Variants in ADAMTS2 observed in about 807,000 individuals in gnomAD.
The protein encoded by ADAMTS2 is ADAM metallopeptidase with thrombospondin type 1 motif 2.
A neutral mutation model predicts 123.0 loss-of-function variants in ADAMTS2; 50 were observed. That is an observed-to-expected ratio of 0.41 (90% CI 0.32 to 0.51). ADAMTS2 has a LOEUF of 0.51. ADAMTS2 is among the 20% of genes least tolerant of loss of function. The pLI, the probability that ADAMTS2 is intolerant of heterozygous loss-of-function variation, is 0.35. For synonymous variants in ADAMTS2, 678 were observed against 695.4 expected (o/e 0.98, Z 0.39); for missense variants, 1,494 against 1,705.2 (o/e 0.88, Z 2.18).
rs1445349116 is a variant in ADAMTS2, at chr5:179,154,140, G to A, written c.1291C>T (p.Leu431=). The change falls in exon 8 of 22, where the codon CTG becomes TTG. Residue 431 remains leucine (L), a synonymous_variant. Transcript: ENST00000251582. The part of the protein sequence containing the change: ...QGNRCGDEVR[L]GSIMAPLVQA... ...ACCAGGGGCGCCATGATGCTGCCCA[G>A]CCGCACCTCGTCGCCACAGCGGTTG... 3.2e-6 allele frequency: 5 copies of A among 1,585,858 alleles called. No individual in the cohort carries two copies. The highest frequency in any genetic ancestry group is 1.3e-5 in the African/African-American group (1 of 74,672).
rs141168767 is a variant in ADAMTS2 at position 179,303,677 on chromosome 5, G to A, written c.535-30613C>T. Reference sequence around the variant, plus strand: ...TTTTCTTTTCTTCGTGTTCTCACACGCCAGCTCATGGCAGCCCACAGGCAC... The same window carrying A: ...TTTTCTTTTCTTCGTGTTCTCACACACCAGCTCATGGCAGCCCACAGGCAC... On this transcript the variant is annotated intron_variant, in intron 2 of 21. Transcript: ENST00000251582. This position sits in a 1 kb window ranked among gnomAD's most constrained non-coding sequence, Gnocchi z 4.7. Among the ~76,000 whole-genome samples, 535 of 152,264 alleles carry A rather than the reference G, an allele frequency of 3.5e-3. No homozygotes were observed. Among genetic ancestry groups the A allele is most frequent in the Middle Eastern group, 0.014 (4 of 294 alleles).
rs573100534 is a variant in ADAMTS2 at position 179,214,848 on chromosome 5, G to A, written c.689-7133C>T. Among the ~76,000 whole-genome samples, 63 of 150,730 alleles carry A rather than the reference G, an allele frequency of 4.2e-4. 1 individual carries two copies. The highest frequency in any genetic ancestry group is 1.1e-3 in the African/African-American group (44 of 41,200). On this transcript the variant is annotated intron_variant, in intron 3 of 21. Coordinates refer to ENST00000251582, the MANE Select transcript of ADAMTS2 (RefSeq NM_014244.5). ...AAAATAATTGTTAAAATTATTCTCCGTCAAATAATCTCCGTCGAATAATTG... is the reference window on the plus strand; with the variant it reads ...AAAATAATTGTTAAAATTATTCTCCATCAAATAATCTCCGTCGAATAATTG...
In ADAMTS2 at chr5:179,242,647, A is replaced by C. The variant is rs943821322; in HGVS notation, c.688+30264T>G. On this transcript the variant is annotated intron_variant, in intron 3 of 21. Transcript: ENST00000251582. The surrounding 1 kb of genome is among the most constrained non-coding windows in gnomAD (Gnocchi z 4.2). ...AGTAAGAACAGCAAGAATCGGTGGC[A>C]CCTGAGCCATCACTTGCTCTCTCTT... Among the ~76,000 whole-genome samples, 2 of 152,204 alleles carry C rather than the reference A, an allele frequency of 1.3e-5. No individual in the cohort carries two copies. The highest frequency in any genetic ancestry group is 2.4e-5 in the African/African-American group (1 of 41,464).
At chr5:179,232,638 G>A (rs11739530) in intron 3 of ADAMTS2, among the ~76,000 whole-genome samples, 32,774 of 152,078 alleles carry the variant, frequency 0.22, 4,572 homozygotes, top group Non-Finnish European at 0.29. Context: ...CTGTAAAGTC[G>A]GGTGACAATG....
In ADAMTS2 at chr5:179,207,528, C is replaced by T. The variant is rs2113374018; in HGVS notation, c.876G>A (p.Leu292=). The change falls in exon 4 of 22, where the codon CTG becomes CTA. Residue 292 remains leucine, a synonymous_variant. Coordinates refer to ENST00000251582, the MANE Select transcript of ADAMTS2 (RefSeq NM_014244.5). ...CCCCACTCACAATGTTCATGAGTGT[C>T]AGCAGGTACTTCTGTACGTGCTCCT... ...HGKEHVQKYL[L]TLMNIVNEIY... 1.4e-6 allele frequency: 2 copies of T among 1,407,512 alleles called. No homozygotes were observed. The highest frequency in any genetic ancestry group is 1.9e-6 in the Non-Finnish European group (2 of 1,054,404). The allele number at this position is 1,407,512 out of a possible 1,614,324, so 87.2% of individuals were successfully genotyped here. A position where few individuals can be genotyped will look rare whatever the true frequency, so the allele number is the denominator to read the frequency against.
chr5:179,321,425 G>A (rs1044643464), intron 2 of ADAMTS2, among the ~76,000 whole-genome samples: 5 of 152,034 alleles, frequency 3.3e-5, no homozygotes, highest in Admixed American at 1.3e-4. Flanking sequence ...ACTCCCCAGC[G>A]ACCCTGCAAA....
intron 21 of ADAMTS2, among the ~76,000 whole-genome samples, chr5:179,116,844 A>G (rs1185446495): frequency 6.6e-6 from 1 of 152,132 alleles, no homozygotes; most frequent in Non-Finnish European, 1.5e-5. Flanking sequence ...AGGGTCCACC[A>G]TGAAAAGGGA....
At chr5:179,299,188 G>A (rs1341248243) in intron 2 of ADAMTS2, among the ~76,000 whole-genome samples, 3 of 151,870 alleles carry the variant, frequency 2.0e-5, no homozygotes, top group South Asian at 2.1e-4. Context: ...ATGGAAAAAC[G>A]GTTAGTTTGT....
At chr5:179,194,306 C>T (rs918844260) in intron 4 of ADAMTS2, among the ~76,000 whole-genome samples, 12 of 152,188 alleles carry the variant, frequency 7.9e-5, no homozygotes, top group African/African-American at 2.2e-4. Flanking sequence ...ACTGGTCTGT[C>T]GGCCTCCCCA....
At chr5:179,168,390 C>T (rs1299248226) in intron 5 of ADAMTS2, among the ~76,000 whole-genome samples, 3 of 152,200 alleles carry the variant, frequency 2.0e-5, no homozygotes, top group African/African-American at 7.2e-5. Context: ...CCCCTCCTCC[C>T]AGAGCAGAGT....
intron 21 of ADAMTS2, among the ~76,000 whole-genome samples, chr5:179,119,812 CCACAGGCT>C (rs1220447421): frequency 6.6e-6 from 1 of 152,218 alleles, no homozygotes; most frequent in Non-Finnish European, 1.5e-5. Context: ...CATTCCCACT[CCACAGGCT>C]CTGCTCCAAA....
intron 10 of ADAMTS2, among the ~76,000 whole-genome samples, chr5:179,145,646 C>T (rs1763238330): frequency 6.6e-6 from 1 of 152,084 alleles, no homozygotes; most frequent in Non-Finnish European, 1.5e-5. Flanking sequence ...ATGAAATGTC[C>T]AGAATTGGAA....
chr5:179,207,796 T>C, intron 3 of ADAMTS2, 81 bp from the exon 4 acceptor site: 1 of 1,317,756 alleles, frequency 7.6e-7, no homozygotes, highest in Non-Finnish European at 1.1e-6. Flanking sequence ...TTGGCCATCC[T>C]CTCATTTAAA....
At chr5:179,292,328 T>C (rs909660002) in intron 2 of ADAMTS2, among the ~76,000 whole-genome samples, 1 of 129,306 alleles carries the variant, frequency 7.7e-6, no homozygotes, top group Non-Finnish European at 1.7e-5. Context: ...GGTAACAGCT[T>C]TGCTATTACC....
At chr5:179,216,355 T>C (rs1010443041) in intron 3 of ADAMTS2, among the ~76,000 whole-genome samples, 3 of 152,200 alleles carry the variant, frequency 2.0e-5, no homozygotes, top group Admixed American at 1.3e-4. Context: ...GGCTTGGCCA[T>C]GTGCCGATGA....
intron 3 of ADAMTS2, among the ~76,000 whole-genome samples, chr5:179,241,835 C>A (rs183366037): frequency 2.0e-5 from 3 of 152,158 alleles, no homozygotes; most frequent in African/African-American, 7.2e-5. Context: ...CCTATCTCTA[C>A]GCATTTTTTA....
In ADAMTS2 at chr5:179,153,967, C is replaced by A. The variant is rs1413351273; in HGVS notation, c.1382+82G>T. On this transcript the variant is annotated intron_variant, in intron 8 of 21. Coordinates refer to ENST00000251582, the MANE Select transcript of ADAMTS2 (RefSeq NM_014244.5). The stretch of plus-strand genomic sequence containing the variant: ...GACCTGAGGTCGGAGGGCTCTGGCT[C>A]TGGTGCATGGGGACTTGCACCCTCC... 4.6e-6 allele frequency: 7 copies of A among 1,526,476 alleles called. No homozygotes were observed. In the Admixed American group the frequency reaches 9.8e-5, roughly 21 times the overall value. The allele number at this position is 1,526,476 out of a possible 1,614,324, so 94.6% of individuals were successfully genotyped here.
At chr5:179,326,604 G>A (rs1241915959) in intron 2 of ADAMTS2, among the ~76,000 whole-genome samples, 3 of 151,892 alleles carry the variant, frequency 2.0e-5, no homozygotes, top group East Asian at 1.9e-4. Context: ...TCCTAGCAGC[G>A]CCATCAGGAA....
rs574494602 is a variant in ADAMTS2 at position 179,129,242 on chromosome 5, G to A, written c.2457+690C>T. ...GGCAGGGTGCCAGGGGGTACACGGG[G>A]CATACCTGGCTCACTGCTGCACCTG... On this transcript the variant is annotated intron_variant, in intron 16 of 21. Transcript: ENST00000251582. This position sits in a 1 kb window ranked among gnomAD's most constrained non-coding sequence, Gnocchi z 4.1. Among the ~76,000 whole-genome samples, 171 of 152,264 alleles carry A rather than the reference G, an allele frequency of 1.1e-3. No individual in the cohort carries two copies. Among genetic ancestry groups the A allele is most frequent in the Non-Finnish European group, 1.7e-3 (116 of 68,014 alleles).
Sources: gnomAD v4.1 joint callset for allele counts (sites outside exome capture counted in the v4.1 genomes callset) on GRCh38, gnomAD v4.1.1 for gene constraint, Gnocchi (gnomAD v3.1) non-coding constraint, MANE v1.5 for transcripts, NCBI Gene and HGNC (gene_info 2026-07-23, HGNC 2026-07-21) for gene names.